The following PDE4A variants were observed in gnomAD, a reference collection of about 807,000 sequenced individuals.
The protein encoded by PDE4A is phosphodiesterase 4A, also known as 3',5'-cyclic-AMP phosphodiesterase 4A.
In PDE4A, 21 loss-of-function variants were observed where a neutral mutation model predicts 73.9. That is an observed-to-expected ratio of 0.28 (90% confidence interval 0.20 to 0.41). The LOEUF is 0.41. Ranked by LOEUF, PDE4A falls within the 10% of genes least tolerant of loss-of-function variation. PDE4A has a pLI of 1.00. For missense variants in PDE4A, 958 were observed against 1,211.4 expected, an observed-to-expected ratio of 0.79 and a Z score of 3.10; for synonymous variants, 463 against 505.4, an observed-to-expected ratio of 0.92 and a Z score of 1.13.
chr19:10,447,356 G>A (rs1262104545), intron 2 of PDE4A, among the ~76,000 whole-genome samples: 1 of 147,646 alleles, frequency 6.8e-6, no homozygotes, highest in Non-Finnish European at 1.5e-5. Flanking sequence ...CTCCTGAGTA[G>A]CTGGGACTAC....
Position 10,446,221 on chromosome 19 carries a change from C to G in PDE4A, c.324C>G (p.Phe108Leu). The G allele has an allele frequency of 1.3e-6, 2 of 1,565,342 alleles. No homozygotes were observed. The highest frequency in any genetic ancestry group is 2.4e-5 in the East Asian group (1 of 41,852). ...GGAGGGSSRR[F>L]EAENGPTPSP... ...TCTTCTCGCCCATCCCCTGCAGCTT[C>G]GAGGCAGAGAATGGGCCGACACCAT... Residue 108 changes from phenylalanine (F) to leucine (L), a missense_variant, in exon 2 of 15, where the codon TTC becomes TTG. Phe to Leu is a conservative substitution (Grantham distance 22). Coordinates refer to ENST00000380702, the MANE Select transcript of PDE4A (RefSeq NM_001111307.2).
chr19:10,419,054 GTC>G, upstream of PDE4A: 16 of 586,372 alleles, frequency 2.7e-5, no homozygotes, highest in Non-Finnish European at 3.3e-5. Flanking sequence ...AAGACCGGCA[GTC>G]TTTTTTTTTT....
chr19:10,416,977 G>A, upstream of PDE4A: 1 of 1,542,172 alleles, frequency 6.5e-7, no homozygotes, highest in East Asian at 2.4e-5. Flanking sequence ...TCCGTGGCAG[G>A]GACCGGGGAC....
chr19:10,423,157 CTTTTTTTTTTTTT>C (rs61513692), intron 1 of PDE4A: 2 of 756,040 alleles, frequency 2.6e-6, no homozygotes, highest in Non-Finnish European at 1.5e-6. Context: ...AACCCTTTCT[CTTTTTTTTTTTTT>C]TTTTTTTTTG....
At chr19:10,441,945 C>A (rs1446129214) in intron 1 of PDE4A, among the ~76,000 whole-genome samples, 1 of 151,914 alleles carries the variant, frequency 6.6e-6, no homozygotes, top group East Asian at 1.9e-4. Context: ...CCGCTTCAGG[C>A]CTCCCAAAGT....
At chr19:10,463,395 CT>C (rs35214617) in intron 13 of PDE4A, among the ~76,000 whole-genome samples, 25,802 of 100,408 alleles carry the variant, frequency 0.26, 2,791 homozygotes, top group East Asian at 0.44. Flanking sequence ...CAGCCCCATT[CT>C]TTTTTTTTTT....
At chr19:10,457,668 C>A in intron 7 of PDE4A, 2 of 420,672 alleles carry the variant, frequency 4.8e-6, no homozygotes, top group Non-Finnish European at 6.4e-6. Flanking sequence ...CATCCCAGAG[C>A]CCTGGGCCCC....
chr19:10,461,620 C>A lies in PDE4A; in HGVS notation c.1560C>A (p.Asp520Glu), dbSNP rs200647370. 12 of 1,564,116 alleles carry A rather than the reference C, an allele frequency of 7.7e-6. No homozygotes were observed. The highest frequency in any genetic ancestry group is 1.0e-5 in the Non-Finnish European group (12 of 1,148,348). Residue 520 changes from aspartate to glutamate, a missense_variant, in exon 12 of 15, where the codon GAC becomes GAA. Asp to Glu is a conservative substitution (Grantham distance 45, BLOSUM62 2). This residue lies in a region of PDE4A where 570 missense variants were observed against 827.7 expected (regional missense o/e 0.69). Transcript: ENST00000380702. ...AGCTGCTGCAGGAGGACAACTGCGACATCTTCCAGAACCTCAGCAAGCGCC... is the reference window on the plus strand; with the variant it reads ...AGCTGCTGCAGGAGGACAACTGCGAAATCTTCCAGAACCTCAGCAAGCGCC... Reference protein sequence around the residue: ...GFKLLQEDNCDIFQNLSKRQR... With the variant: ...GFKLLQEDNCEIFQNLSKRQR...
intron 6 of PDE4A, among the ~76,000 whole-genome samples, chr19:10,454,574 G>A (rs1012431869): frequency 4.6e-5 from 7 of 152,196 alleles, no homozygotes; most frequent in Non-Finnish European, 1.0e-4. Context: ...GGGAGATGAG[G>A]AGGGAAGCCC....
In PDE4A at chr19:10,453,647, G is replaced by A. The variant is rs2043128653; in HGVS notation, c.784-1182G>A. On this transcript the variant is annotated intron_variant, in intron 6 of 14. Transcript: ENST00000380702. The surrounding 1 kb of genome is among the most constrained non-coding windows in gnomAD (Gnocchi z 4.6). ...GTGTGGCCCTGTCTGAGATCATCTG[G>A]CTCTGACCATGGTGTTGTGTGTTGG... Among the ~76,000 whole-genome samples the A allele has an allele frequency of 6.6e-6, 1 of 152,064 alleles. No homozygotes were observed.
Position 10,461,113 on chromosome 19 carries a change from C to T in PDE4A, c.1465+10C>T, listed in dbSNP as rs908147158. The T allele has an allele frequency of 1.3e-5, 21 of 1,605,722 alleles. No individual in the cohort carries two copies. The highest frequency in any genetic ancestry group is 6.7e-5 in the African/African-American group (5 of 74,678). On this transcript the variant is annotated intron_variant, in intron 11 of 14. Coordinates refer to ENST00000380702, the MANE Select transcript of PDE4A (RefSeq NM_001111307.2). ...TTCCTCATCAACACCAGTGAGTGGC[C>T]CTCGCCAGGGGCGGGGTTTGCTGAG...
At chr19:10,459,313 T>C in intron 8 of PDE4A, 87 bp from the exon 9 acceptor site, 1 of 1,595,496 alleles carries the variant, frequency 6.3e-7, no homozygotes, top group South Asian at 1.1e-5. Flanking sequence ...GGTGCTTCCT[T>C]CAGACCAAGG....
rs2042690388 is a variant in PDE4A at position 10,424,546 on chromosome 19, A to C, written c.320+3462A>C. On this transcript the variant is annotated intron_variant, in intron 1 of 14. Coordinates refer to ENST00000380702, the MANE Select transcript of PDE4A (RefSeq NM_001111307.2). This position sits in a 1 kb window ranked among gnomAD's most constrained non-coding sequence, Gnocchi z 4.8. ...CTCCGAGCGCGGACCTGCTCCAGGG[A>C]CGCCGCCAGTCCCGGAGCAAAGCAA... 6.6e-6 allele frequency among the ~76,000 whole-genome samples: 1 copy of C among 152,176 alleles called. No individual in the cohort carries two copies. The highest frequency in any genetic ancestry group is 2.1e-4 in the South Asian group (1 of 4,828).
At chr19:10,418,842 C>A, upstream of PDE4A, 2 of 984,632 alleles carry the variant, frequency 2.0e-6, no homozygotes, top group South Asian at 9.4e-5. Context: ...CAAATATGAT[C>A]TGGGGAGAAC....
chr19:10,423,835 T>C (rs1372365887), intron 1 of PDE4A, among the ~76,000 whole-genome samples: 1 of 152,244 alleles, frequency 6.6e-6, no homozygotes, highest in African/African-American at 2.4e-5. Flanking sequence ...CACCCTTCAG[T>C]GTCTGTGCTG....
At chr19:10,463,738 G>T (rs58581831) in intron 13 of PDE4A, 55 bp from the exon 14 acceptor site, 4 of 1,599,524 alleles carry the variant, frequency 2.5e-6, no homozygotes, top group South Asian at 1.1e-5. Context: ...TGAGGTCTCA[G>T]ACTGGGACAC....
chr19:10,419,131 G>A (rs2042615554), upstream of PDE4A: 1 of 962,294 alleles, frequency 1.0e-6, no homozygotes, highest in Non-Finnish European at 1.2e-6. Context: ...GGCATCGCGT[G>A]CCCTGGGGAG....
chr19:10,453,286 G>C lies in PDE4A; in HGVS notation c.784-1543G>C. On this transcript the variant is annotated intron_variant, in intron 6 of 14. Transcript: ENST00000380702. The surrounding 1 kb of genome is among the most constrained non-coding windows in gnomAD (Gnocchi z 4.6). ...AAGATGCCCTTGGTGGATTTCTTCT[G>C]CGAGACCTGCTCTAAGCCTTGGCTG... The C allele has an allele frequency of 6.2e-7, 1 of 1,613,512 alleles. No homozygotes were observed. The highest frequency in any genetic ancestry group is 8.5e-7 in the Non-Finnish European group (1 of 1,179,706).
chr19:10,464,351 C>T, intron 14 of PDE4A: 1 of 455,628 alleles, frequency 2.2e-6, no homozygotes, highest in South Asian at 1.6e-5. Flanking sequence ...CCGCCTTGGC[C>T]TCCCAAAATG....
Sources: gnomAD v4.1 joint callset for allele counts (sites outside exome capture counted in the v4.1 genomes callset) on GRCh38, gnomAD v4.1.1 for gene constraint, gnomAD v4.1.1 regional missense constraint, Gnocchi (gnomAD v3.1) non-coding constraint, MANE v1.5 for transcripts, NCBI Gene and HGNC (gene_info 2026-07-23, HGNC 2026-07-21) for gene names.